VTA1: variants seen among roughly 807,000 people sequenced by gnomAD.
VTA1 encodes vacuolar protein sorting-associated protein VTA1 homolog.
A neutral mutation model predicts 36.9 loss-of-function variants in VTA1; 24 were observed. The observed-to-expected ratio is 0.65, with a 90% CI of 0.47 to 0.91. VTA1 has a LOEUF of 0.91. Among genes scored for constraint, VTA1 ranks in the 40% least tolerant of loss-of-function variants. VTA1 has a pLI of 0.00. For missense variants in VTA1, 393 were observed against 377.2 expected (o/e 1.04, Z -0.35); for synonymous variants, 142 against 130.2 (o/e 1.09, Z -0.62).
intron 5 of VTA1, among the ~76,000 whole-genome samples, chr6:142,191,068 T>C (rs1775446762): frequency 6.6e-6 from 1 of 152,188 alleles, no homozygotes; most frequent in African/African-American, 2.4e-5. Flanking sequence ...ATAGGTTCAG[T>C]TCACTACTAT....
At chr6:142,182,734 C>T (rs546068828) in intron 4 of VTA1, among the ~76,000 whole-genome samples, 5 of 152,168 alleles carry the variant, frequency 3.3e-5, no homozygotes, top group African/African-American at 1.2e-4. Context: ...ATCAAACATA[C>T]AGGACAAATA....
chr6:142,170,202 T>C, intron 3 of VTA1, 144 bp from the exon 4 acceptor site: 1 of 626,340 alleles, frequency 1.6e-6, no homozygotes, highest in South Asian at 2.0e-5. Flanking sequence ...ATTTTTGTTA[T>C]TTTCTTGAAA....
intron 5 of VTA1, among the ~76,000 whole-genome samples, chr6:142,194,978 C>G (rs1775519008): frequency 6.6e-6 from 1 of 152,060 alleles, no homozygotes; most frequent in Non-Finnish European, 1.5e-5. Context: ...ACCCTGCACT[C>G]ATTGGTAAAC....
In VTA1 at chr6:142,176,263, A is replaced by G. The variant is rs981660084; in HGVS notation, c.411+5842A>G. Among the ~76,000 whole-genome samples, 57 of 152,232 alleles carry G rather than the reference A, an allele frequency of 3.7e-4. 1 individual carries two copies. The highest frequency in any genetic ancestry group is 3.5e-3 in the Admixed American group (54 of 15,280). ...TACTGCCAAGTTAGGTAGAACATGA[A>G]AATTACAGGTGAAAGATAATGCTAT... On this transcript the variant is annotated intron_variant, in intron 4 of 7. Transcript: ENST00000367630.
intron 1 of VTA1, among the ~76,000 whole-genome samples, chr6:142,152,005 C>T (rs935629154): frequency 6.6e-6 from 1 of 152,006 alleles, no homozygotes; most frequent in Non-Finnish European, 1.5e-5. Context: ...TGCACTCCAA[C>T]CTGGGGAACA....
intron 6 of VTA1, among the ~76,000 whole-genome samples, chr6:142,201,160 T>C (rs1157241044): frequency 2.6e-5 from 4 of 151,908 alleles, no homozygotes; most frequent in Admixed American, 6.6e-5. Context: ...TGTTGAAATC[T>C]CCTCCTTTTA....
intron 5 of VTA1, among the ~76,000 whole-genome samples, chr6:142,189,876 C>A (rs1775418349): frequency 6.6e-6 from 1 of 152,080 alleles, no homozygotes; most frequent in South Asian, 2.1e-4. Context: ...CCTGCCTCAG[C>A]CTCCCGAGTA....
intron 5 of VTA1, among the ~76,000 whole-genome samples, chr6:142,194,892 C>G (rs916716205): frequency 6.6e-6 from 1 of 152,034 alleles, no homozygotes; most frequent in Non-Finnish European, 1.5e-5. Flanking sequence ...TTTTTATGCA[C>G]TTATTAAAAT....
At chr6:142,170,196 T>A in intron 3 of VTA1, 150 bp from the exon 4 acceptor site, 1 of 609,630 alleles carries the variant, frequency 1.6e-6, no homozygotes, top group South Asian at 2.1e-5. Flanking sequence ...AAAACCATTT[T>A]TGTTATTTTC....
chr6:142,152,028 C>T (rs773494554), intron 1 of VTA1, among the ~76,000 whole-genome samples: 3 of 151,470 alleles, frequency 2.0e-5, no homozygotes, highest in Admixed American at 6.6e-5. Flanking sequence ...AGCAAGACTT[C>T]GTCTCAAAAA....
chr6:142,188,605 A>G (rs547632319), intron 4 of VTA1, among the ~76,000 whole-genome samples: 7 of 152,300 alleles, frequency 4.6e-5, no homozygotes, highest in African/African-American at 1.7e-4. Flanking sequence ...GCACTTGTAG[A>G]TCAGGTTCAG....
chr6:142,182,885 T>C (rs970701609), intron 4 of VTA1, among the ~76,000 whole-genome samples: 4 of 152,148 alleles, frequency 2.6e-5, no homozygotes, highest in Non-Finnish European at 4.4e-5. Context: ...CGTGAGATCA[T>C]CAAGTGTAGA....
chr6:142,217,809 A>G (rs1011332695), intron 7 of VTA1, among the ~76,000 whole-genome samples: 2 of 151,940 alleles, frequency 1.3e-5, no homozygotes, highest in Non-Finnish European at 2.9e-5. Context: ...AGAAATATAT[A>G]TTCAAGGAAA....
chr6:142,198,638 T>C (rs1775618251), intron 6 of VTA1, 23 bp downstream of exon 6: 2 of 1,581,594 alleles, frequency 1.3e-6, no homozygotes, highest in Non-Finnish European at 8.6e-7. Flanking sequence ...AACTGAATGA[T>C]TTATTTAATT....
chr6:142,196,695 C>T (rs909816279), intron 5 of VTA1, among the ~76,000 whole-genome samples: 5 of 152,040 alleles, frequency 3.3e-5, no homozygotes, highest in Admixed American at 6.5e-5. Context: ...TGCTGATTTT[C>T]AATATCAGGG....
rs200348683 is a variant in VTA1 at position 142,188,225 on chromosome 6, C to CTTTTT, written c.412-1177_412-1173dup. 1.0e-3 allele frequency among the ~76,000 whole-genome samples: 81 copies of CTTTTT among 78,962 alleles called. 2 individuals carry two copies. The highest frequency in any genetic ancestry group is 2.0e-3 in the South Asian group (4 of 2,038). The allele number at this position is 78,962 out of a possible 152,430, so 51.8% of individuals were successfully genotyped here. Reference sequence around the variant, plus strand: ...TGCCTAGCCCTCTATTTCTTTATTTCTTTTTTTTTTTTTTTTTTTTTTTTT... The same window carrying CTTTTT: ...TGCCTAGCCCTCTATTTCTTTATTTCTTTTTTTTTTTTTTTTTTTTTTTTTTTTTT... On this transcript the variant is annotated intron_variant, in intron 4 of 7. Coordinates refer to ENST00000367630, the MANE Select transcript of VTA1 (RefSeq NM_016485.5).
At chr6:142,171,393 A>G (rs1263239850) in intron 4 of VTA1, among the ~76,000 whole-genome samples, 1 of 152,128 alleles carries the variant, frequency 6.6e-6, no homozygotes, top group Non-Finnish European at 1.5e-5. Flanking sequence ...ACACACTGGG[A>G]CTGGAGGTAG....
intron 4 of VTA1, among the ~76,000 whole-genome samples, chr6:142,180,766 T>G (rs115832072): frequency 0.017 from 2,523 of 152,066 alleles, 75 homozygotes; most frequent in African/African-American, 0.057. Flanking sequence ...TGATAATGCT[T>G]CCAAAAACGT....
At chr6:142,172,967 C>CA (rs1351540478) in intron 4 of VTA1, among the ~76,000 whole-genome samples, 7,023 of 96,790 alleles carry the variant, frequency 0.073, 516 homozygotes, top group African/African-American at 0.22. Context: ...AACCATTTGA[C>CA]AAAAAAAAAA....
Sources: gnomAD v4.1 joint callset for allele counts (sites outside exome capture counted in the v4.1 genomes callset) on GRCh38, gnomAD v4.1.1 for gene constraint, MANE v1.5 for transcripts, NCBI Gene and HGNC (gene_info 2026-07-23, HGNC 2026-07-21) for gene names.